LPAR5: variants seen among roughly 807,000 people sequenced by gnomAD.
LPAR5 encodes the protein lysophosphatidic acid receptor 5.
For synonymous variants in LPAR5, 271 were observed against 261.6 expected, an observed-to-expected ratio of 1.04 and a Z score of -0.35; for missense variants, 544 against 521.8, an observed-to-expected ratio of 1.04 and a Z score of -0.41.
In LPAR5 at chr12:6,620,049, C is replaced by T. The variant is rs746760625; in HGVS notation, c.*81G>A. On this transcript the variant is annotated 3_prime_UTR_variant, in exon 2 of 2. Transcript: ENST00000329858. This position sits in a 1 kb window ranked among gnomAD's most constrained non-coding sequence, Gnocchi z 6.8. Reference sequence around the variant, plus strand: ...CCAAAGGTCCAAGTGCCCAGCCCACCTTCTTGTGTGTACACCCTGTAAGCC... The same window carrying T: ...CCAAAGGTCCAAGTGCCCAGCCCACTTTCTTGTGTGTACACCCTGTAAGCC... 3.2e-6 allele frequency: 5 copies of T among 1,570,718 alleles called. No individual in the cohort carries two copies. The highest frequency in any genetic ancestry group is 1.4e-5 in the African/African-American group (1 of 73,902).
intron 1 of LPAR5, among the ~76,000 whole-genome samples, chr12:6,623,324 A>G (rs1313778021): frequency 6.6e-6 from 1 of 152,046 alleles, no homozygotes; most frequent in Non-Finnish European, 1.5e-5. Context: ...ACTTGAGGCC[A>G]GGAGTTGAAG....
intron 1 of LPAR5, among the ~76,000 whole-genome samples, chr12:6,627,806 C>T (rs904669459): frequency 6.6e-6 from 1 of 151,956 alleles, no homozygotes; most frequent in Non-Finnish European, 1.5e-5. Flanking sequence ...AACAGGAAAT[C>T]CACCCTCCCC....
Position 6,619,314 on chromosome 12 carries a change from C to G in LPAR5, c.*816G>C, listed in dbSNP as rs1194821397. On this transcript the variant is annotated 3_prime_UTR_variant, in exon 2 of 2. Transcript: ENST00000329858. ...TAGTAGAAAGAATTTTATCCTTACT[C>G]TGGACAAAGGAGAGAGAGGGAGAGA... is the stretch of plus-strand genomic sequence containing the variant. The G allele has an allele frequency of 6.6e-6, 1 of 151,142 alleles. No individual in the cohort carries two copies. The highest frequency in any genetic ancestry group is 1.5e-5 in the Non-Finnish European group (1 of 67,856). 9.4% of individuals were successfully genotyped at this position (151,142 alleles called of 1,614,324 possible).
rs1948867471 is a variant in LPAR5, at chr12:6,619,484, T to G, written c.*646A>C. ...GAAGAAAGGATAACCTAAAAAGGGT[T>G]TGGACTTGGATGTTGTTGAGGGGGA... On this transcript the variant is annotated 3_prime_UTR_variant, in exon 2 of 2. Transcript: ENST00000329858. 6.3e-6 allele frequency: 1 copy of G among 158,130 alleles called. No homozygotes were observed. The highest frequency in any genetic ancestry group is 1.4e-5 in the Non-Finnish European group (1 of 71,508). The allele number at this position is 158,130 out of a possible 1,614,324, so 9.8% of individuals were successfully genotyped here.
chr12:6,619,713 C>T lies in LPAR5; in HGVS notation c.*417G>A. On this transcript the variant is annotated 3_prime_UTR_variant, in exon 2 of 2. Coordinates refer to ENST00000329858, the MANE Select transcript of LPAR5 (RefSeq NM_020400.6). ...AGACAGAAGTCAGCAGATGAACAGGCATCTCAGTAGCTTTGTCCACCAAAC... is the reference window on the plus strand; with the variant it reads ...AGACAGAAGTCAGCAGATGAACAGGTATCTCAGTAGCTTTGTCCACCAAAC... The T allele has an allele frequency of 2.8e-6, 1 of 358,944 alleles. No individual in the cohort carries two copies. Among genetic ancestry groups the T allele is most frequent in the Admixed American group, 3.7e-5 (1 of 26,714 alleles). The allele number at this position is 358,944 out of a possible 1,614,324, so 22.2% of individuals were successfully genotyped here.
intron 1 of LPAR5, chr12:6,631,674 A>G (rs1401097033): frequency 1.3e-5 from 2 of 152,306 alleles, no homozygotes; most frequent in African/African-American, 4.8e-5. Context: ...GGGCAGGGCT[A>G]TTTTATGCCA....
At chr12:6,623,198 A>G (rs1948908953) in intron 1 of LPAR5, among the ~76,000 whole-genome samples, 1 of 151,498 alleles carries the variant, frequency 6.6e-6, no homozygotes, top group Non-Finnish European at 1.5e-5. Context: ...ACATCGTACC[A>G]CTGCCCTCCA....
intron 1 of LPAR5, among the ~76,000 whole-genome samples, chr12:6,632,826 G>A (rs907421213): frequency 4.6e-5 from 7 of 152,178 alleles, no homozygotes; most frequent in African/African-American, 1.7e-4. Context: ...AGGGTGGGCG[G>A]GGAGGCCTCC....
chr12:6,635,560 A>T (rs1402269323), intron 1 of LPAR5, among the ~76,000 whole-genome samples: 1 of 151,956 alleles, frequency 6.6e-6, no homozygotes, highest in African/African-American at 2.4e-5. Flanking sequence ...AAGTGTGTAA[A>T]CAGTCCCCAG....
rs1330784411 is a variant in LPAR5 at position 6,621,125 on chromosome 12, G to C, written c.124C>G (p.Leu42Val). 4 of 1,602,812 alleles carry C rather than the reference G, an allele frequency of 2.5e-6. No individual in the cohort carries two copies. The highest frequency in any genetic ancestry group is 1.1e-5 in the South Asian group (1 of 89,358). Residue 42 changes from leucine (L) to valine (V), a missense_variant, in exon 2 of 2, where the codon CTA becomes GTA. Leu to Val is a conservative substitution (Grantham distance 32). Coordinates refer to ENST00000329858, the MANE Select transcript of LPAR5 (RefSeq NM_020400.6). Reference sequence around the variant, plus strand: ...GCGCGCAGGAAGACCCAGAGGGCTAGCGCGTTGAGGGGGAGCCCGGCAGCC... The same window carrying C: ...GCGCGCAGGAAGACCCAGAGGGCTACCGCGTTGAGGGGGAGCCCGGCAGCC... ...VLAAGLPLNALALWVFLRALR... is the reference protein window; with the variant it reads ...VLAAGLPLNAVALWVFLRALR...
Position 6,620,718 on chromosome 12 carries a change from C to T in LPAR5, c.531G>A (p.Glu177=). Residue 177 remains glutamate, a synonymous_variant, in exon 2 of 2, where the codon GAG becomes GAA. Transcript: ENST00000329858. This position sits in a 1 kb window ranked among gnomAD's most constrained non-coding sequence, Gnocchi z 6.8. ...YRDLEVRLCF[E]SFSDELWKGR... ...CTTTCCACAGCTCGTCGCTGAAGCT[C>T]TCGAAGCATAGGCGCACCTCGAGGT... 1 of 1,585,084 alleles carries T rather than the reference C, an allele frequency of 6.3e-7. No homozygotes were observed. The highest frequency in any genetic ancestry group is 8.6e-7 in the Non-Finnish European group (1 of 1,165,608).
intron 1 of LPAR5, among the ~76,000 whole-genome samples, chr12:6,635,049 T>C (rs1366887232): frequency 6.7e-6 from 1 of 149,732 alleles, no homozygotes; most frequent in East Asian, 2.0e-4. Context: ...AGCGTGCCAC[T>C]GCACTCCAGC....
At chr12:6,631,125 G>A (rs1948978357) in intron 1 of LPAR5, among the ~76,000 whole-genome samples, 2 of 152,076 alleles carry the variant, frequency 1.3e-5, no homozygotes, top group Non-Finnish European at 1.5e-5. Context: ...CAGGAAGGAG[G>A]GACATGGAGG....
chr12:6,620,294 T>C lies in LPAR5; in HGVS notation c.955A>G (p.Thr319Ala), dbSNP rs115447074. The C allele has an allele frequency of 3.4e-3, 5,469 of 1,606,146 alleles. 104 individuals carry two copies. Among genetic ancestry groups the C allele is most frequent in the South Asian group, 0.031 (2,837 of 90,466 alleles). Reference protein sequence around the residue: ...RGLGTPHRARTSATNGTRAAL... With the variant: ...RGLGTPHRARASATNGTRAAL... ...GCCCGCGTCCCGTTGGTGGCCGAGGTCCTGGCCCGGTGCGGAGTGCCCAGG... is the reference window on the plus strand; with the variant it reads ...GCCCGCGTCCCGTTGGTGGCCGAGGCCCTGGCCCGGTGCGGAGTGCCCAGG... Residue 319 changes from threonine (T) to alanine (A), a missense_variant, in exon 2 of 2, where the codon ACC becomes GCC. By Grantham distance (58) the Thr-to-Ala change is moderately conservative (BLOSUM62 0). Transcript: ENST00000329858. The surrounding 1 kb of genome is among the most constrained non-coding windows in gnomAD (Gnocchi z 6.8).
intron 1 of LPAR5, among the ~76,000 whole-genome samples, chr12:6,622,604 A>G (rs1592297742): frequency 1.4e-5 from 2 of 147,774 alleles, no homozygotes; most frequent in South Asian, 4.3e-4. Context: ...AAAAAAAATT[A>G]GCCGGGCGTG....
At chr12:6,629,884 G>A (rs1204959734) in intron 1 of LPAR5, among the ~76,000 whole-genome samples, 2 of 144,088 alleles carry the variant, frequency 1.4e-5, no homozygotes, top group Admixed American at 1.4e-4. Flanking sequence ...AATTAGCCAG[G>A]CATGGTGGCG....
chr12:6,629,727 ACTT>A (rs1948969826), intron 1 of LPAR5, among the ~76,000 whole-genome samples: 1 of 151,648 alleles, frequency 6.6e-6, no homozygotes, highest in Admixed American at 6.6e-5. Context: ...TTGAGCGGCT[ACTT>A]AAAGGTAAAG....
At chr12:6,622,712 C>T (rs939792471) in intron 1 of LPAR5, among the ~76,000 whole-genome samples, 15 of 151,666 alleles carry the variant, frequency 9.9e-5, no homozygotes, top group African/African-American at 3.4e-4. Flanking sequence ...CATTGCACTC[C>T]GGCCTGGGTG....
chr12:6,633,514 G>A (rs1048755315), intron 1 of LPAR5, among the ~76,000 whole-genome samples: 5 of 151,912 alleles, frequency 3.3e-5, no homozygotes, highest in Admixed American at 2.0e-4. Context: ...CCGGGTTCAC[G>A]CAATTCTCCT....
Sources: gnomAD v4.1 joint callset for allele counts (sites outside exome capture counted in the v4.1 genomes callset) on GRCh38, gnomAD v4.1.1 for gene constraint, Gnocchi (gnomAD v3.1) non-coding constraint, MANE v1.5 for transcripts, NCBI Gene and HGNC (gene_info 2026-07-23, HGNC 2026-07-21) for gene names.